The following CLDN16 variants were observed in gnomAD, a reference collection of about 807,000 sequenced individuals.
The protein encoded by CLDN16 is claudin-16.
In CLDN16, 13 loss-of-function variants were observed where a neutral mutation model predicts 24.6. The observed-to-expected ratio is 0.53, with a 90% CI of 0.34 to 0.84. The LOEUF (loss-of-function observed/expected upper bound fraction) is 0.84. Ranked by LOEUF, CLDN16 falls within the 40% of genes least tolerant of loss-of-function variation. CLDN16 has a pLI of 0.01. For synonymous variants in CLDN16, 116 were observed against 106.7 expected (o/e 1.09, Z -0.54); for missense variants, 298 against 292.7 (o/e 1.02, Z -0.13).
intron 1 of CLDN16, among the ~76,000 whole-genome samples, chr3:190,325,681 C>G (rs966740952): frequency 1.3e-5 from 2 of 152,098 alleles, no homozygotes; most frequent in African/African-American, 4.8e-5. Context: ...AAGAACCAAG[C>G]CTCTAAGAGG....
the CLDN16 span, chr3:190,310,108 G>T: frequency 1.4e-6 from 2 of 1,381,066 alleles, no homozygotes; most frequent in Non-Finnish European, 2.1e-6. Context: ...GCAGGACTTT[G>T]TAGAATATAA....
chr3:190,407,017 G>C (rs1719123204), intron 3 of CLDN16, among the ~76,000 whole-genome samples: 1 of 152,136 alleles, frequency 6.6e-6, no homozygotes, highest in South Asian at 2.1e-4. Flanking sequence ...TGGGATTACA[G>C]GTGTGAGCCA....
chr3:190,402,977 G>A (rs936086414), intron 2 of CLDN16, among the ~76,000 whole-genome samples: 1 of 152,218 alleles, frequency 6.6e-6, no homozygotes, highest in Admixed American at 6.5e-5. Flanking sequence ...CACATGTGAC[G>A]CACTGTTACA....
chr3:190,404,394 G>C (rs1295858696), intron 2 of CLDN16, among the ~76,000 whole-genome samples: 1 of 152,004 alleles, frequency 6.6e-6, no homozygotes, highest in African/African-American at 2.4e-5. Flanking sequence ...ATTTTTGTAG[G>C]ACAGATATGC....
chr3:190,404,075 G>A (rs1373332613), intron 2 of CLDN16, among the ~76,000 whole-genome samples: 2 of 152,016 alleles, frequency 1.3e-5, no homozygotes, highest in Non-Finnish European at 2.9e-5. Flanking sequence ...TAACATATGG[G>A]GGTAGAGAAA....
At chr3:190,397,400 C>A (rs1718847396) in intron 1 of CLDN16, among the ~76,000 whole-genome samples, 1 of 152,122 alleles carries the variant, frequency 6.6e-6, no homozygotes, top group Admixed American at 6.5e-5. Flanking sequence ...TATTACTTAA[C>A]ATTTGCATTT....
chr3:190,351,948 T>C (rs1717679651), intron 1 of CLDN16, among the ~76,000 whole-genome samples: 1 of 152,048 alleles, frequency 6.6e-6, no homozygotes, highest in South Asian at 2.1e-4. Context: ...AATCAGAATA[T>C]CAGGGAGAGC....
chr3:190,368,853 C>T lies in CLDN16; in HGVS notation n.122-2040C>T, dbSNP rs557496361. Among the ~76,000 whole-genome samples, 4 of 152,022 alleles carry T rather than the reference C, an allele frequency of 2.6e-5. No homozygotes were observed. The East Asian group carries it at 7.8e-4, about 30-fold the overall frequency. Reference sequence around the variant, plus strand: ...TTTCCCTTTTCTAAGCTAGCCAAACCCTTTTATTGTTTAGACTTGCTTGAT... The same window carrying T: ...TTTCCCTTTTCTAAGCTAGCCAAACTCTTTTATTGTTTAGACTTGCTTGAT... On this transcript the variant is annotated intron_variant and non_coding_transcript_variant, in intron 1 of 4. Transcript: ENST00000468220.
At chr3:190,320,520 A>G (rs1323052653), upstream of CLDN16, among the ~76,000 whole-genome samples, 1 of 152,206 alleles carries the variant, frequency 6.6e-6, no homozygotes, top group African/African-American at 2.4e-5. Context: ...TTTTGGTGTA[A>G]AGAAGTCCTG....
intron 1 of CLDN16, among the ~76,000 whole-genome samples, chr3:190,328,476 T>C (rs570343002): frequency 2.2e-4 from 34 of 152,280 alleles, no homozygotes; most frequent in African/African-American, 7.5e-4. Context: ...ATAAAATTGA[T>C]TGAAGTCACT....
upstream of CLDN16, among the ~76,000 whole-genome samples, chr3:190,318,726 G>C (rs144702612): frequency 1.3e-5 from 2 of 152,226 alleles, no homozygotes; most frequent in African/African-American, 4.8e-5. Context: ...ATGGCCCTTC[G>C]AGTACCCTCG....
At chr3:190,407,976 T>C (rs1261558664) in intron 3 of CLDN16, among the ~76,000 whole-genome samples, 1 of 152,238 alleles carries the variant, frequency 6.6e-6, no homozygotes, top group African/African-American at 2.4e-5. Flanking sequence ...GGTTTTGTTT[T>C]AGTATTTTCC....
chr3:190,376,612 C>A (rs374665011), intron 3 of CLDN16, among the ~76,000 whole-genome samples: 3 of 151,982 alleles, frequency 2.0e-5, no homozygotes, highest in African/African-American at 7.2e-5. Flanking sequence ...GCAGAGGAAA[C>A]AATTTGAGTA....
chr3:190,313,596 G>C, the CLDN16 span, among the ~76,000 whole-genome samples: 3 of 152,176 alleles, frequency 2.0e-5, no homozygotes, highest in African/African-American at 7.2e-5. Context: ...CCAGTGATGT[G>C]AATAGGAGGA....
chr3:190,342,193 G>T (rs1717452908), intron 1 of CLDN16, among the ~76,000 whole-genome samples: 2 of 152,244 alleles, frequency 1.3e-5, no homozygotes, highest in South Asian at 4.2e-4. Flanking sequence ...CCACTCTGCT[G>T]GTACCAATTT....
At chr3:190,313,844 G>C in the CLDN16 span, among the ~76,000 whole-genome samples, 1 of 151,942 alleles carries the variant, frequency 6.6e-6, no homozygotes, top group Admixed American at 6.6e-5. Context: ...AAATAAACAG[G>C]GTCAAGTTTG....
At chr3:190,392,981 A>G (rs1237455084) in intron 1 of CLDN16, among the ~76,000 whole-genome samples, 1 of 152,158 alleles carries the variant, frequency 6.6e-6, no homozygotes, top group Admixed American at 6.6e-5. Flanking sequence ...GGGGAGAACA[A>G]CTAGGAGACT....
the CLDN16 span, among the ~76,000 whole-genome samples, chr3:190,314,640 G>T: frequency 6.6e-6 from 1 of 151,950 alleles, no homozygotes; most frequent in African/African-American, 2.4e-5. Context: ...CTGAGTTCAG[G>T]TGGTCTGCCC....
At chr3:190,332,497 G>A (rs1315909627) in intron 1 of CLDN16, among the ~76,000 whole-genome samples, 1 of 152,074 alleles carries the variant, frequency 6.6e-6, no homozygotes, top group Admixed American at 6.6e-5. Flanking sequence ...TTGGGAAAAT[G>A]GGGTTCTCTT....
Sources: gnomAD v4.1 joint callset for allele counts (sites outside exome capture counted in the v4.1 genomes callset) on GRCh38, gnomAD v4.1.1 for gene constraint, MANE v1.5 for transcripts, NCBI Gene and HGNC (gene_info 2026-07-23, HGNC 2026-07-21) for gene names.